Variants in MBOAT1 observed in about 807,000 individuals in gnomAD.
MBOAT1 encodes the protein membrane-bound glycerophospholipid O-acyltransferase 1.
Under a neutral mutation model 64.4 loss-of-function variants are expected in MBOAT1, and 67 were observed. The ratio of observed to expected loss-of-function variants is 1.04; its 90% CI spans 0.85 to 1.27. The LOEUF (loss-of-function observed/expected upper bound fraction) is 1.27. MBOAT1 is among the 50% of genes most tolerant of loss of function. The probability of loss-of-function intolerance (pLI) is 0.00; values close to 1 mark genes in which losing one functional copy is unlikely to be tolerated. For missense variants in MBOAT1, 563 were observed against 604.6 expected, an observed-to-expected ratio of 0.93 and a Z score of 0.72; for synonymous variants, 229 against 218.9, an observed-to-expected ratio of 1.05 and a Z score of -0.41.
chr6:20,179,200 C>A lies in MBOAT1; in HGVS notation c.100-26431G>T, dbSNP rs972078803. Among the ~76,000 whole-genome samples, 7 of 151,688 alleles carry A rather than the reference C, an allele frequency of 4.6e-5. 1 individual carries two copies. The highest frequency in any genetic ancestry group is 1.0e-4 in the Non-Finnish European group (7 of 67,980). On this transcript the variant is annotated intron_variant, in intron 1 of 12. Coordinates refer to ENST00000324607, the MANE Select transcript of MBOAT1 (RefSeq NM_001080480.3). ...CTCAATGTGCTACTGAGAAAACTCA[C>A]ACAAAGTTAATGGCCCCAAAACCCT...
intron 8 of MBOAT1, among the ~76,000 whole-genome samples, chr6:20,123,571 G>T (rs955089993): frequency 1.3e-5 from 2 of 151,426 alleles, no homozygotes; most frequent in Non-Finnish European, 2.9e-5. Flanking sequence ...AAAACAAAAG[G>T]TGTGATAAAA....
intron 1 of MBOAT1, among the ~76,000 whole-genome samples, chr6:20,154,048 A>T (rs1430601517): frequency 6.6e-6 from 1 of 152,246 alleles, no homozygotes; most frequent in Non-Finnish European, 1.5e-5. Context: ...ACACAACTTC[A>T]GCATCAGTAT....
At chr6:20,181,251 T>G (rs1158634020) in intron 1 of MBOAT1, among the ~76,000 whole-genome samples, 1 of 152,154 alleles carries the variant, frequency 6.6e-6, no homozygotes, top group Admixed American at 6.5e-5. Context: ...CCAGGCCACC[T>G]CTGGATGGCC....
At chr6:20,178,789 G>A (rs1201848860) in intron 1 of MBOAT1, among the ~76,000 whole-genome samples, 2 of 152,190 alleles carry the variant, frequency 1.3e-5, no homozygotes, top group South Asian at 2.1e-4. Flanking sequence ...ACCATGGGAT[G>A]CAATCATTGT....
At chr6:20,178,012 G>A (rs992053088) in intron 1 of MBOAT1, among the ~76,000 whole-genome samples, 6 of 152,042 alleles carry the variant, frequency 3.9e-5, no homozygotes, top group African/African-American at 7.2e-5. Context: ...AGTGTCACTC[G>A]CAAGACTCGT....
chr6:20,166,527 G>T (rs1413334212), intron 1 of MBOAT1, among the ~76,000 whole-genome samples: 1 of 152,114 alleles, frequency 6.6e-6, no homozygotes, highest in East Asian at 1.9e-4. Context: ...TTTAGACAAA[G>T]GTATTCTCTG....
chr6:20,116,203 G>C (rs947906187), intron 9 of MBOAT1, among the ~76,000 whole-genome samples: 1 of 151,904 alleles, frequency 6.6e-6, no homozygotes, highest in Non-Finnish European at 1.5e-5. Context: ...CTGGTAGCAG[G>C]CACCCGTAAT....
In MBOAT1 at chr6:20,192,760, T is replaced by C. The variant is rs73729928; in HGVS notation, c.99+19376A>G. Among the ~76,000 whole-genome samples, 759 of 152,252 alleles carry C rather than the reference T, an allele frequency of 5.0e-3. 8 individuals are homozygous for C. Among genetic ancestry groups the C allele is most frequent in the African/African-American group, 0.017 (719 of 41,556 alleles). On this transcript the variant is annotated intron_variant, in intron 1 of 12. Coordinates refer to ENST00000324607, the MANE Select transcript of MBOAT1 (RefSeq NM_001080480.3). ...TTCATGTAGGTATGATTAGCTCATT[T>C]TGCAGATAAGGAATCAGGCTCCAAA...
rs955290694 is a variant in MBOAT1, at chr6:20,164,895, A to G, written c.100-12126T>C. On this transcript the variant is annotated intron_variant, in intron 1 of 12. Transcript: ENST00000324607. ...CCATTTTGTGTTTCACTCTCAGTAC[A>G]GTATTCAACAAATTACATGAGATAC... Among the ~76,000 whole-genome samples, 4 of 152,216 alleles carry G rather than the reference A, an allele frequency of 2.6e-5. No homozygotes were observed. In the East Asian group the frequency reaches 7.7e-4, roughly 29 times the overall value.
At chr6:20,196,592 G>A (rs4712461) in intron 1 of MBOAT1, among the ~76,000 whole-genome samples, 151,089 of 152,286 alleles carry the variant, frequency 0.99, 74,955 homozygotes, top group Middle Eastern at 1. Context: ...CAGGTGCAGT[G>A]GCTCACACCT....
At chr6:20,184,971 G>A (rs576611522) in intron 1 of MBOAT1, among the ~76,000 whole-genome samples, 1 of 150,880 alleles carries the variant, frequency 6.6e-6, no homozygotes, top group South Asian at 2.1e-4. Context: ...TCTGTGTAAG[G>A]GCAGGCATAG....
chr6:20,117,246 G>A (rs1760353883), intron 9 of MBOAT1, among the ~76,000 whole-genome samples: 2 of 152,128 alleles, frequency 1.3e-5, no homozygotes, highest in Non-Finnish European at 2.9e-5. Flanking sequence ...GATCCTCTAG[G>A]ACTATACAAA....
intron 12 of MBOAT1, among the ~76,000 whole-genome samples, chr6:20,107,197 A>C (rs1759983450): frequency 6.6e-6 from 1 of 152,136 alleles, no homozygotes; most frequent in African/African-American, 2.4e-5. Context: ...CTCATGCGAC[A>C]AACAGGGACA....
At chr6:20,192,029 G>T (rs563551837) in intron 1 of MBOAT1, among the ~76,000 whole-genome samples, 4 of 152,234 alleles carry the variant, frequency 2.6e-5, no homozygotes, top group African/African-American at 9.6e-5. Flanking sequence ...ATCTGTTTTA[G>T]AAGACTACTA....
At chr6:20,132,820 C>G (rs971315283) in intron 4 of MBOAT1, among the ~76,000 whole-genome samples, 1 of 152,214 alleles carries the variant, frequency 6.6e-6, no homozygotes, top group African/African-American at 2.4e-5. Flanking sequence ...AACCATATAT[C>G]TGATACGGGA....
At chr6:20,168,645 G>GAGAAGAGAA (rs1561773422) in intron 1 of MBOAT1, among the ~76,000 whole-genome samples, 11 of 89,180 alleles carry the variant, frequency 1.2e-4, no homozygotes, top group African/African-American at 5.6e-4. Flanking sequence ...AGAGAAGAGA[G>GAGAAGAGAA]GAGAGGAGAG....
intron 1 of MBOAT1, among the ~76,000 whole-genome samples, chr6:20,208,477 C>T (rs1374131509): frequency 8.7e-6 from 1 of 114,590 alleles, no homozygotes; most frequent in Non-Finnish European, 2.0e-5. Context: ...AGTCATGGGC[C>T]CAGGTGAAAT....
intron 1 of MBOAT1, among the ~76,000 whole-genome samples, chr6:20,177,324 TA>T (rs1762370585): frequency 6.6e-6 from 1 of 152,206 alleles, no homozygotes; most frequent in Admixed American, 6.5e-5. Flanking sequence ...ATACGGACAA[TA>T]AAGTGAAGCA....
intron 9 of MBOAT1, among the ~76,000 whole-genome samples, chr6:20,117,346 A>C (rs1760356439): frequency 6.6e-6 from 1 of 152,174 alleles, no homozygotes; most frequent in South Asian, 2.1e-4. Flanking sequence ...GTTTACGTTG[A>C]ATATATGATG....
Sources: allele counts gnomAD v4.1 joint callset (sites outside exome capture counted in the v4.1 genomes callset), GRCh38; gene constraint gnomAD v4.1.1; transcripts MANE v1.5; gene names NCBI Gene and HGNC (gene_info 2026-07-23, HGNC 2026-07-21).